The following OCIAD1 variants were observed in gnomAD, a reference collection of about 807,000 sequenced individuals.
The protein encoded by OCIAD1 is OCIA domain-containing protein 1.
In OCIAD1, 29 loss-of-function variants were observed where a neutral mutation model predicts 38.9. The ratio of observed to expected loss-of-function variants is 0.74; its 90% CI spans 0.55 to 1.02. OCIAD1 has a LOEUF of 1.02. Among genes scored for constraint, OCIAD1 ranks in the 50% least tolerant of loss-of-function variants. The pLI is 0.00. For missense variants in OCIAD1, 288 were observed against 289.6 expected (o/e 0.99, Z 0.04); for synonymous variants, 110 against 92.0 (o/e 1.20, Z -1.12).
intron 6 of OCIAD1, among the ~76,000 whole-genome samples, chr4:48,850,942 C>A (rs1372713565): frequency 6.6e-6 from 1 of 152,156 alleles, no homozygotes; most frequent in Non-Finnish European, 1.5e-5. Context: ...GATTTTATCT[C>A]GATTCAATTT....
intron 1 of OCIAD1, 48 bp downstream of exon 1, chr4:48,831,297 C>T (rs1007753328): frequency 5.6e-5 from 21 of 373,126 alleles, no homozygotes; most frequent in Non-Finnish European, 1.0e-4. Context: ...CCGCGTATCC[C>T]CTCACCACCT....
intron 6 of OCIAD1, among the ~76,000 whole-genome samples, chr4:48,850,489 C>T (rs1305330189): frequency 2.0e-5 from 3 of 152,200 alleles, no homozygotes; most frequent in Non-Finnish European, 4.4e-5. Context: ...TGGTGTTGAA[C>T]TAGTGGGCTC....
chr4:48,860,781 A>C lies in OCIAD1; in HGVS notation c.*19A>C, dbSNP rs1266469585. ...TGAGTGAAAAATTACATCATTGGAC[A>C]TGAAGGAGTTTCAACATCCAGCTTC... On this transcript the variant is annotated 3_prime_UTR_variant, in exon 9 of 9. Transcript: ENST00000264312. 1 of 1,590,284 alleles carries C rather than the reference A, an allele frequency of 6.3e-7. No homozygotes were observed. Among genetic ancestry groups the C allele is most frequent in the Admixed American group, 1.7e-5 (1 of 59,566 alleles).
At chr4:48,846,951 T>A (rs184363112) in intron 4 of OCIAD1, among the ~76,000 whole-genome samples, 1 of 152,286 alleles carries the variant, frequency 6.6e-6, no homozygotes, top group African/African-American at 2.4e-5. Context: ...AGTTTTCAAT[T>A]TTCACTGTTA....
chr4:48,817,115 G>A (rs571223962), intron 1 of OCIAD1, among the ~76,000 whole-genome samples: 7 of 152,326 alleles, frequency 4.6e-5, no homozygotes, highest in Non-Finnish European at 7.4e-5. Context: ...GACTGGTTAG[G>A]CAGTGGGTCC....
At chr4:48,824,926 G>C (rs1321229970) in intron 1 of OCIAD1, among the ~76,000 whole-genome samples, 2 of 152,066 alleles carry the variant, frequency 1.3e-5, no homozygotes, top group African/African-American at 4.8e-5. Flanking sequence ...AGTAGAGACA[G>C]GGTTTCACAA....
intron 1 of OCIAD1, among the ~76,000 whole-genome samples, chr4:48,810,717 C>G (rs1015165094): frequency 6.6e-6 from 1 of 151,754 alleles, no homozygotes; most frequent in Non-Finnish European, 1.5e-5. Flanking sequence ...TGGTGCTTAC[C>G]TAGAGAGAGA....
At chr4:48,857,147 A>T in intron 7 of OCIAD1, 66 bp from the exon 8 acceptor site, 1 of 996,660 alleles carries the variant, frequency 1.0e-6, no homozygotes, top group Non-Finnish European at 1.4e-6. Context: ...AGCATTTGTA[A>T]AATTTAGTTG....
chr4:48,820,568 A>C (rs1684631156), intron 1 of OCIAD1, among the ~76,000 whole-genome samples: 2 of 152,340 alleles, frequency 1.3e-5, no homozygotes, highest in South Asian at 4.1e-4. Context: ...GAACTGAAGG[A>C]GATAGAGACA....
intron 1 of OCIAD1, among the ~76,000 whole-genome samples, chr4:48,815,285 G>A (rs1299461941): frequency 6.6e-6 from 1 of 152,106 alleles, no homozygotes; most frequent in South Asian, 2.1e-4. Flanking sequence ...ACTCCAGCCC[G>A]GGGAACAGTG....
intron 1 of OCIAD1, among the ~76,000 whole-genome samples, chr4:48,807,143 G>A (rs1166875855): frequency 6.6e-6 from 1 of 152,088 alleles, no homozygotes; most frequent in African/African-American, 2.4e-5. Context: ...GTAGCCTCAA[G>A]TGATCCTCCT....
intron 4 of OCIAD1, among the ~76,000 whole-genome samples, chr4:48,844,370 TA>T (rs1459253093): frequency 6.6e-6 from 1 of 151,942 alleles, no homozygotes; most frequent in African/African-American, 2.4e-5. Flanking sequence ...GTAGAAGTGA[TA>T]TTGGGAGGCC....
At chr4:48,833,633 A>G (rs1286670569) in intron 3 of OCIAD1, 152 bp downstream of exon 3, 4 of 568,360 alleles carry the variant, frequency 7.0e-6, no homozygotes, top group African/African-American at 1.9e-5. Context: ...GATTAAGGAG[A>G]TAAAGGAATT....
At chr4:48,836,838 C>G (rs1314973569) in intron 3 of OCIAD1, among the ~76,000 whole-genome samples, 1 of 152,104 alleles carries the variant, frequency 6.6e-6, no homozygotes. Context: ...TTTATGATGA[C>G]TATGCATCTA....
chr4:48,846,110 C>T (rs962746546), intron 4 of OCIAD1, among the ~76,000 whole-genome samples: 1 of 152,034 alleles, frequency 6.6e-6, no homozygotes, highest in African/African-American at 2.4e-5. Flanking sequence ...TGTCCTGTTT[C>T]CTGTTAATAT....
At chr4:48,830,205 CAA>C (rs761441164), upstream of OCIAD1, among the ~76,000 whole-genome samples, 1 of 152,142 alleles carries the variant, frequency 6.6e-6, no homozygotes, top group Non-Finnish European at 1.5e-5. Context: ...CTGGAGCTAT[CAA>C]AAGACTCCAA....
intron 6 of OCIAD1, among the ~76,000 whole-genome samples, chr4:48,851,246 A>G (rs1779428416): frequency 6.6e-6 from 1 of 152,236 alleles, no homozygotes; most frequent in South Asian, 2.1e-4. Flanking sequence ...TACTAAAATT[A>G]TCTTGAAAGG....
At chr4:48,810,760 A>G (rs1777079193) in intron 1 of OCIAD1, among the ~76,000 whole-genome samples, 1 of 152,246 alleles carries the variant, frequency 6.6e-6, no homozygotes, top group African/African-American at 2.4e-5. Context: ...GTTAGACTGT[A>G]GTAAGTGCTA....
At chr4:48,853,186 GT>G (rs1779695973) in intron 7 of OCIAD1, among the ~76,000 whole-genome samples, 1 of 151,896 alleles carries the variant, frequency 6.6e-6, no homozygotes, top group African/African-American at 2.4e-5. Flanking sequence ...GCCTGTTTTT[GT>G]TTTTTAATAA....
Sources: allele counts gnomAD v4.1 joint callset (sites outside exome capture counted in the v4.1 genomes callset), GRCh38; gene constraint gnomAD v4.1.1; transcripts MANE v1.5; gene names NCBI Gene and HGNC (gene_info 2026-07-23, HGNC 2026-07-21).